Variants in LRRC4B observed in about 807,000 individuals in gnomAD.
LRRC4B encodes leucine-rich repeat-containing protein 4B.
Under a neutral mutation model 7.3 loss-of-function variants are expected in LRRC4B, and 1 was observed. That is an observed-to-expected ratio of 0.14 (90% CI 0.05 to 0.65). The LOEUF is 0.65. Ranked by LOEUF, LRRC4B falls within the 30% of genes least tolerant of loss-of-function variation. LRRC4B has a pLI of 0.84. For missense variants in LRRC4B, 730 were observed against 1,041.6 expected, an observed-to-expected ratio of 0.70 and a Z score of 4.12; for synonymous variants, 500 against 499.2, an observed-to-expected ratio of 1.00 and a Z score of -0.02.
chr19:50,527,856 C>T (rs994455850), intron 2 of LRRC4B, among the ~76,000 whole-genome samples: 5 of 152,012 alleles, frequency 3.3e-5, no homozygotes, highest in African/African-American at 1.2e-4. Flanking sequence ...ATTTTCCTGC[C>T]TCAGCCTCTG....
In LRRC4B at chr19:50,518,634, G is replaced by A. The variant is rs966766393; in HGVS notation, c.1079C>T (p.Thr360Ile). 2 of 1,610,942 alleles carry A rather than the reference G, an allele frequency of 1.2e-6. No individual in the cohort carries two copies. The highest frequency in any genetic ancestry group is 1.3e-5 in the African/African-American group (1 of 75,012). The change falls in exon 3 of 3, where the codon ACC becomes ATC. Residue 360 changes from threonine to isoleucine, a missense_variant. Physicochemically the swap from Thr to Ile is moderately conservative, Grantham distance 89. This residue lies in a region of LRRC4B where 226 missense variants were observed against 448.0 expected (regional missense o/e 0.50). Coordinates refer to ENST00000652263, the MANE Select transcript of LRRC4B (RefSeq NM_001080457.2). The stretch of plus-strand genomic sequence containing the variant: ...CTCCACGATGACGGGCGCATAGCAG[G>A]TGAAATGCGACTGGTCCAGCTCCCC... ...YIGELDQSHF[T>I]CYAPVIVEPP...
At chr19:50,540,727 C>G (rs1981502175) in intron 2 of LRRC4B, among the ~76,000 whole-genome samples, 1 of 151,492 alleles carries the variant, frequency 6.6e-6, no homozygotes, top group East Asian at 1.9e-4. Flanking sequence ...TTACTTGCTC[C>G]TTATGAGAAT....
At chr19:50,565,914 C>T (rs918171606) in intron 1 of LRRC4B, among the ~76,000 whole-genome samples, 1 of 152,086 alleles carries the variant, frequency 6.6e-6, no homozygotes, top group Non-Finnish European at 1.5e-5. Context: ...ATGTGTGTTT[C>T]GGAGGCTGGG....
At chr19:50,565,153 G>C (rs1056608638) in intron 1 of LRRC4B, among the ~76,000 whole-genome samples, 1 of 152,172 alleles carries the variant, frequency 6.6e-6, no homozygotes, top group African/African-American at 2.4e-5. Flanking sequence ...GTGCACACAC[G>C]TGCCTCCGAC....
At chr19:50,561,745 C>T (rs534238985) in intron 1 of LRRC4B, among the ~76,000 whole-genome samples, 4 of 151,970 alleles carry the variant, frequency 2.6e-5, no homozygotes, top group Admixed American at 2.0e-4. Context: ...CCCCCAACTC[C>T]AAAAGTCTAA....
intron 2 of LRRC4B, among the ~76,000 whole-genome samples, chr19:50,525,961 G>A (rs767278986): frequency 6.6e-6 from 1 of 152,112 alleles, no homozygotes; most frequent in Non-Finnish European, 1.5e-5. Context: ...GCGAGGTTGC[G>A]GTGAGCCGAG....
chr19:50,544,168 T>C (rs1981690575), intron 2 of LRRC4B, among the ~76,000 whole-genome samples: 1 of 146,840 alleles, frequency 6.8e-6, no homozygotes, highest in Non-Finnish European at 1.5e-5. Context: ...GATTGCACCA[T>C]TGCACTCCAG....
intron 2 of LRRC4B, among the ~76,000 whole-genome samples, chr19:50,541,376 AAAAAAAAAG>A (rs1981542044): frequency 6.8e-6 from 1 of 147,364 alleles, no homozygotes; most frequent in South Asian, 2.2e-4. Context: ...CTCAAAAAAA[AAAAAAAAAG>A]AAAAAGAAAA....
chr19:50,544,709 A>G (rs557190824), intron 2 of LRRC4B, among the ~76,000 whole-genome samples: 1 of 152,050 alleles, frequency 6.6e-6, no homozygotes, highest in South Asian at 2.1e-4. Flanking sequence ...ACTTAGGTAT[A>G]TTTTCTAGTT....
Position 50,519,468 on chromosome 19 carries a change from G to A in LRRC4B, c.298-53C>T. Reference sequence around the variant, plus strand: ...ACGGAGATACTGACGGGGACCGTGGGGGGATCACCAAGGTCCCGGGCGCAG... The same window carrying A: ...ACGGAGATACTGACGGGGACCGTGGAGGGATCACCAAGGTCCCGGGCGCAG... On this transcript the variant is annotated intron_variant, in intron 2 of 2. Coordinates refer to ENST00000652263, the MANE Select transcript of LRRC4B (RefSeq NM_001080457.2). The surrounding 1 kb of genome is among the most constrained non-coding windows in gnomAD (Gnocchi z 8.1). The A allele has an allele frequency of 6.7e-7, 1 of 1,483,878 alleles. No individual in the cohort carries two copies. The highest frequency in any genetic ancestry group is 1.3e-5 in the South Asian group (1 of 74,938). The allele number at this position is 1,483,878 out of a possible 1,614,324, so 91.9% of individuals were successfully genotyped here.
intron 2 of LRRC4B, among the ~76,000 whole-genome samples, chr19:50,534,438 C>A (rs554522864): frequency 6.6e-6 from 1 of 151,932 alleles, no homozygotes; most frequent in Non-Finnish European, 1.5e-5. Context: ...TTTAGCCTGA[C>A]GAAGATGTTG....
intron 1 of LRRC4B, among the ~76,000 whole-genome samples, chr19:50,560,239 C>A (rs1982421679): frequency 1.3e-5 from 2 of 152,094 alleles, no homozygotes; most frequent in African/African-American, 4.8e-5. Flanking sequence ...CAGCAAGGGG[C>A]TGAAGGGTCT....
At chr19:50,542,061 T>A (rs1056143496) in intron 2 of LRRC4B, among the ~76,000 whole-genome samples, 1 of 152,180 alleles carries the variant, frequency 6.6e-6, no homozygotes, top group African/African-American at 2.4e-5. Flanking sequence ...TAAGAATACG[T>A]GTACGCAAAG....
rs1050542075 is a variant in LRRC4B, at chr19:50,537,490, T to A, written c.297+11052A>T. On this transcript the variant is annotated intron_variant, in intron 2 of 2. Coordinates refer to ENST00000652263, the MANE Select transcript of LRRC4B (RefSeq NM_001080457.2). This position sits in a 1 kb window ranked among gnomAD's most constrained non-coding sequence, Gnocchi z 5.5. The stretch of plus-strand genomic sequence containing the variant: ...TGACTCAACGCCTTAGCGTCATTCG[T>A]GGAGGGGAGAACGCGGGTCTTGTGC... Among the ~76,000 whole-genome samples the A allele has an allele frequency of 6.6e-6, 1 of 152,088 alleles. No homozygotes were observed. The highest frequency in any genetic ancestry group is 2.4e-5 in the African/African-American group (1 of 41,424).
intron 2 of LRRC4B, among the ~76,000 whole-genome samples, chr19:50,543,577 C>T (rs1022942477): frequency 6.6e-5 from 10 of 151,972 alleles, no homozygotes; most frequent in African/African-American, 1.7e-4. Context: ...GGAGGCCGGG[C>T]GCGGTGGCTC....
chr19:50,555,251 A>C lies in LRRC4B; in HGVS notation c.-35-6378T>G, dbSNP rs927141014. Reference sequence around the variant, plus strand: ...GATTCAGAGGTGAGCGGCACTTGCCAAAGGTTACACAGCCCTCCAGCAGCA... The same window carrying C: ...GATTCAGAGGTGAGCGGCACTTGCCCAAGGTTACACAGCCCTCCAGCAGCA... On this transcript the variant is annotated intron_variant, in intron 1 of 2. Coordinates refer to ENST00000652263, the MANE Select transcript of LRRC4B (RefSeq NM_001080457.2). This position sits in a 1 kb window ranked among gnomAD's most constrained non-coding sequence, Gnocchi z 5.2. 2 of 152,402 alleles carry C rather than the reference A, an allele frequency of 1.3e-5. No homozygotes were observed. Among genetic ancestry groups the C allele is most frequent in the Non-Finnish European group, 2.9e-5 (2 of 68,210 alleles). 9.4% of individuals were successfully genotyped at this position (152,402 alleles called of 1,614,324 possible).
chr19:50,561,121 G>A (rs377170761), intron 1 of LRRC4B, among the ~76,000 whole-genome samples: 27 of 151,990 alleles, frequency 1.8e-4, no homozygotes, highest in Non-Finnish European at 2.9e-4. Flanking sequence ...TTATTCTTAC[G>A]GGTCAGAAGA....
chr19:50,552,260 TGCA>T (rs1485000334), intron 1 of LRRC4B, among the ~76,000 whole-genome samples: 3 of 141,118 alleles, frequency 2.1e-5, no homozygotes, highest in African/African-American at 7.9e-5. Context: ...AGCGTTTTCC[TGCA>T]GATGCCCCTG....
intron 1 of LRRC4B, among the ~76,000 whole-genome samples, chr19:50,559,165 T>C (rs1168788506): frequency 6.6e-6 from 1 of 152,076 alleles, no homozygotes; most frequent in Non-Finnish European, 1.5e-5. Flanking sequence ...CCGGGGGTGG[T>C]GGCTCACGCC....
Sources: allele counts gnomAD v4.1 joint callset (sites outside exome capture counted in the v4.1 genomes callset), GRCh38; gene constraint gnomAD v4.1.1; regional missense constraint gnomAD v4.1.1; non-coding constraint Gnocchi (gnomAD v3.1); transcripts MANE v1.5; gene names NCBI Gene and HGNC (gene_info 2026-07-23, HGNC 2026-07-21).